The following KCNT1 variants were observed in gnomAD, a reference collection of about 807,000 sequenced individuals.
The protein encoded by KCNT1 is potassium channel subfamily T member 1.
KCNT1 carries 78 observed loss-of-function variants against 147.8 expected under a neutral mutation model. That is an observed-to-expected ratio of 0.53 (90% CI 0.44 to 0.64). KCNT1 has a LOEUF of 0.64. Among genes scored for constraint, KCNT1 ranks in the 30% least tolerant of loss-of-function variants. The pLI, the probability that KCNT1 is intolerant of heterozygous loss-of-function variation, is 0.00. For synonymous variants in KCNT1, 867 were observed against 748.8 expected (o/e 1.16, Z -2.58); for missense variants, 1,419 against 1,750.3 (o/e 0.81, Z 3.38).
chr9:135,782,264 C>T (rs1169070630), intron 24 of KCNT1, among the ~76,000 whole-genome samples: 1 of 152,196 alleles, frequency 6.6e-6, no homozygotes, highest in Non-Finnish European at 1.5e-5. Flanking sequence ...GGGTGACATG[C>T]ATCTCCCCTT....
rs755980218 is a variant in KCNT1 at position 135,702,305 on chromosome 9, A to T, written c.47A>T (p.Glu16Val). The T allele has an allele frequency of 4.3e-6, 7 of 1,609,698 alleles. No homozygotes were observed. The East Asian group carries it at 1.6e-4, about 36-fold the overall frequency. ...GARTPGGVCR[E>V]ARGGGYTNRT... Reference sequence around the variant, plus strand: ...CGGACCCCGGGGGGCGTCTGCCGGGAGGCGCGCGGCGGGGGCTACACCAAC... The same window carrying T: ...CGGACCCCGGGGGGCGTCTGCCGGGTGGCGCGCGGCGGGGGCTACACCAAC... Residue 16 changes from glutamate (E) to valine (V), a missense_variant, in exon 1 of 31, where the codon GAG becomes GTG. Glu to Val is a moderately radical substitution (Grantham distance 121). Coordinates refer to ENST00000371757, the MANE Select transcript of KCNT1 (RefSeq NM_020822.3).
chr9:135,765,235 C>G, intron 12 of KCNT1, 40 bp downstream of exon 12: 1 of 1,583,030 alleles, frequency 6.3e-7, no homozygotes, highest in Non-Finnish European at 8.7e-7. Flanking sequence ...GACTCCCTCC[C>G]GGCCCCTAGA....
At chr9:135,716,610 C>T (rs1474601681) in intron 2 of KCNT1, among the ~76,000 whole-genome samples, 2 of 152,196 alleles carry the variant, frequency 1.3e-5, no homozygotes, top group African/African-American at 4.8e-5. Context: ...CCCCCTTATC[C>T]CCCAGCCCCT....
At chr9:135,761,820 T>A (rs1053463340) in intron 11 of KCNT1, among the ~76,000 whole-genome samples, 2 of 151,976 alleles carry the variant, frequency 1.3e-5, no homozygotes, top group African/African-American at 4.8e-5. Flanking sequence ...GGCCAATGCG[T>A]CCCCCTTTCC....
chr9:135,722,600 C>T (rs1000604459), intron 2 of KCNT1, among the ~76,000 whole-genome samples: 5 of 152,228 alleles, frequency 3.3e-5, no homozygotes, highest in Non-Finnish European at 1.5e-5. Flanking sequence ...GCACCACAGA[C>T]CCGGCAGCCT....
chr9:135,789,414 GGCAGCATCCTGGGGCCCCTCCAGCGT>G (rs1834331480), intron 29 of KCNT1: 2 of 152,370 alleles, frequency 1.3e-5, no homozygotes, highest in African/African-American at 4.8e-5. Flanking sequence ...GGGGAGGGCG[GGCAGCATCCTGGGGCCCCTCCAGCGT>G]GCAGCCCCCA....
intron 23 of KCNT1, among the ~76,000 whole-genome samples, 153 bp from the exon 24 acceptor site, chr9:135,779,206 C>T (rs1203422190): frequency 3.5e-5 from 5 of 142,330 alleles, no homozygotes; most frequent in African/African-American, 5.9e-5. Flanking sequence ...GCCCTGAGAC[C>T]CCCATAGCCA....
rs2131329203 is a variant in KCNT1 at position 135,714,588 on chromosome 9, C to CG, written c.127dup (p.Asp43GlyfsTer96). 7.3e-7 allele frequency: 1 copy of CG among 1,375,194 alleles called. No homozygotes were observed. Among genetic ancestry groups the CG allele is most frequent in the Non-Finnish European group, 9.5e-7 (1 of 1,047,978 alleles). 85.2% of individuals were successfully genotyped at this position (1,375,194 alleles called of 1,614,324 possible). A position where few individuals can be genotyped will look rare whatever the true frequency, so the allele number is the denominator to read the frequency against. On this transcript the variant is annotated frameshift_variant, in exon 2 of 31. Transcript: ENST00000371757. LOFTEE classifies it high-confidence loss of function. The surrounding 1 kb of genome is among the most constrained non-coding windows in gnomAD (Gnocchi z 6.2). ...GCGTGTGCCCGCAGGCGGCCCTGCG[C>CG]GGGGGACGGCGCGCTCCTGGACACC... is the stretch of plus-strand genomic sequence containing the variant.
At chr9:135,779,102 C>T (rs1470942886) in intron 23 of KCNT1, among the ~76,000 whole-genome samples, 1 of 148,882 alleles carries the variant, frequency 6.7e-6, no homozygotes. Context: ...GCCCAGAGAC[C>T]CCCACAGCCA....
chr9:135,766,814 G>A (rs1257866689), intron 13 of KCNT1: 1 of 152,234 alleles, frequency 6.6e-6, no homozygotes, highest in Non-Finnish European at 1.5e-5. Context: ...TTCAGGGTGA[G>A]GGGCAGCCTT....
intron 2 of KCNT1, among the ~76,000 whole-genome samples, chr9:135,725,795 C>G (rs1836113959): frequency 6.6e-6 from 1 of 152,230 alleles, no homozygotes; most frequent in Admixed American, 6.5e-5. Context: ...CCAGCACAGC[C>G]CCGTCCTTTT....
intron 20 of KCNT1, 135 bp downstream of exon 20, chr9:135,775,550 G>A: frequency 1.6e-6 from 1 of 617,222 alleles, no homozygotes; most frequent in Non-Finnish European, 2.7e-6. Flanking sequence ...CAAGAATTCT[G>A]CAAGGGAGAG....
At chr9:135,784,689 C>G in intron 26 of KCNT1, 71 bp downstream of exon 26, 1 of 1,608,810 alleles carries the variant, frequency 6.2e-7, no homozygotes, top group Non-Finnish European at 8.5e-7. Flanking sequence ...GCACCTGCCC[C>G]TGATTCACGG....
rs968600438 is a variant in KCNT1 at position 135,765,736 on chromosome 9, A to G, written c.1313A>G (p.Lys438Arg). ...RVIYLQGSAL[K>R]DQDLMRAKMD... ...ATCTACCTCCAGGGCTCTGCACTCA[A>G]AGACCAGGACCTCATGCGAGCCAAG... is the stretch of plus-strand genomic sequence containing the variant. The change falls in exon 13 of 31, where the codon AAA (lysine) becomes AGA (arginine). Residue 438 changes from lysine to arginine, a missense_variant. Lys to Arg is a conservative substitution (Grantham distance 26). This residue lies in a region of KCNT1 where 401 missense variants were observed against 610.6 expected (regional missense o/e 0.66). Coordinates refer to ENST00000371757, the MANE Select transcript of KCNT1 (RefSeq NM_020822.3). The G allele has an allele frequency of 6.2e-7, 1 of 1,607,616 alleles. No homozygotes were observed. The highest frequency in any genetic ancestry group is 8.5e-7 in the Non-Finnish European group (1 of 1,176,314).
At chr9:135,757,005 C>CCCCCACCCTCTCCCATCT (rs1554770827) in intron 7 of KCNT1, 73 bp downstream of exon 7, 548 of 831,536 alleles carry the variant, frequency 6.6e-4, no homozygotes, top group African/African-American at 9.7e-4. Flanking sequence ...TCCCCCACCT[C>CCCCCACCCTCTCCCATCT]CCCCACCCTC....
intron 29 of KCNT1, 105 bp downstream of exon 29, chr9:135,786,626 CCTGTCTGTCATCTGT>C: frequency 1.9e-6 from 2 of 1,078,082 alleles, no homozygotes; most frequent in East Asian, 2.9e-5. Context: ...GGGCCGTCCT[CCTGTCTGTCATCTGT>C]CTGTCTGTCA....
chr9:135,769,082 G>C, intron 15 of KCNT1, 145 bp downstream of exon 15: 1 of 633,944 alleles, frequency 1.6e-6, no homozygotes, highest in South Asian at 1.9e-5. Flanking sequence ...CGTGGGTGAC[G>C]GTGCGTCTGG....
At chr9:135,786,033 G>T in intron 28 of KCNT1, 164 bp from the exon 29 acceptor site, 1 of 623,970 alleles carries the variant, frequency 1.6e-6, no homozygotes, top group South Asian at 2.0e-5. Context: ...GAAGGCACAT[G>T]CACCCTGGGG....
intron 19 of KCNT1, among the ~76,000 whole-genome samples, chr9:135,774,036 T>C (rs889768537): frequency 2.6e-5 from 4 of 151,376 alleles, no homozygotes; most frequent in African/African-American, 9.7e-5. Context: ...GTGTGTCCGG[T>C]GTGTGTGTGT....
Sources: gnomAD v4.1 joint callset for allele counts (sites outside exome capture counted in the v4.1 genomes callset) on GRCh38, gnomAD v4.1.1 for gene constraint, gnomAD v4.1.1 regional missense constraint, Gnocchi (gnomAD v3.1) non-coding constraint, MANE v1.5 for transcripts, NCBI Gene and HGNC (gene_info 2026-07-23, HGNC 2026-07-21) for gene names.